The following RNF111 variants were observed in gnomAD, a reference collection of about 807,000 sequenced individuals.
RNF111 encodes ring finger protein 111.
In RNF111, 17 loss-of-function variants were observed where a neutral mutation model predicts 95.1. The observed-to-expected ratio is 0.18, with a 90% CI of 0.12 to 0.27. The LOEUF (loss-of-function observed/expected upper bound fraction) is 0.27, where lower values mean the gene tolerates loss of function less well. Ranked by LOEUF, RNF111 falls within the 10% of genes least tolerant of loss-of-function variation. The pLI, the probability that RNF111 is intolerant of heterozygous loss-of-function variation, is 1.00. For missense variants in RNF111, 1,189 were observed against 1,210.4 expected (o/e 0.98, Z 0.26); for synonymous variants, 440 against 414.8 (o/e 1.06, Z -0.74).
intron 2 of RNF111, among the ~76,000 whole-genome samples, chr15:59,043,572 G>A (rs576164535): frequency 1.2e-4 from 18 of 152,326 alleles, no homozygotes; most frequent in African/African-American, 4.1e-4. Context: ...GCAGGCTCCT[G>A]TAGGTAGGTA....
chr15:59,026,928 C>T (rs2040641613), intron 1 of RNF111, among the ~76,000 whole-genome samples: 1 of 152,172 alleles, frequency 6.6e-6, no homozygotes, highest in Non-Finnish European at 1.5e-5. Flanking sequence ...CCTTGCTCTC[C>T]TCTACCCTTG....
At chr15:59,001,253 G>A (rs1882437205) in intron 1 of RNF111, among the ~76,000 whole-genome samples, 1 of 152,120 alleles carries the variant, frequency 6.6e-6, no homozygotes, top group African/African-American at 2.4e-5. Context: ...TGGTCTCTGA[G>A]AACAGAGGTA....
chr15:59,013,716 G>T lies in RNF111; in HGVS notation c.-19-17088G>T, dbSNP rs373265980. Reference sequence around the variant, plus strand: ...AGTTTCAACTCCTGAACGAGGGAGTGTCCACATAAATGTTTGGAATTCTTC... The same window carrying T: ...AGTTTCAACTCCTGAACGAGGGAGTTTCCACATAAATGTTTGGAATTCTTC... On this transcript the variant is annotated intron_variant, in intron 1 of 13. Transcript: ENST00000348370. Among the ~76,000 whole-genome samples the T allele has an allele frequency of 3.3e-5, 5 of 152,282 alleles. No homozygotes were observed. In the East Asian group the frequency reaches 9.6e-4, roughly 29 times the overall value.
At chr15:59,086,052 G>GTA (rs139770103) in intron 10 of RNF111, among the ~76,000 whole-genome samples, 5,057 of 152,180 alleles carry the variant, frequency 0.033, 277 homozygotes, top group African/African-American at 0.11. Flanking sequence ...ACTGTCAGGA[G>GTA]TATACTGTGC....
chr15:59,065,801 A>C (rs1399028043), intron 5 of RNF111, among the ~76,000 whole-genome samples: 1 of 152,006 alleles, frequency 6.6e-6, no homozygotes, highest in Non-Finnish European at 1.5e-5. Flanking sequence ...GAGCTCTGGA[A>C]GGAGCTTAAG....
chr15:59,012,540 C>A (rs138399319), intron 1 of RNF111, among the ~76,000 whole-genome samples: 152 of 152,252 alleles, frequency 1.0e-3, no homozygotes, highest in African/African-American at 3.3e-3. Flanking sequence ...CATTTTAACA[C>A]AAGAAATGTG....
At chr15:59,003,384 T>C (rs2955703) in intron 1 of RNF111, among the ~76,000 whole-genome samples, 150,705 of 152,180 alleles carry the variant, frequency 0.99, 74,639 homozygotes, top group Middle Eastern at 1. Flanking sequence ...GGATTACAGG[T>C]GTGAGCCGCC....
chr15:58,987,906 G>C lies in RNF111; in HGVS notation c.-182G>C, dbSNP rs887276683. The C allele has an allele frequency of 6.5e-6, 1 of 153,294 alleles. No individual in the cohort carries two copies. The highest frequency in any genetic ancestry group is 2.4e-5 in the African/African-American group (1 of 41,460). 9.5% of individuals were successfully genotyped at this position (153,294 alleles called of 1,614,324 possible). A position where few individuals can be genotyped will look rare whatever the true frequency, so the allele number is the denominator to read the frequency against. ...CTGCCGCACGTACAGTTTTGGTGGC[G>C]GTGACAGACACTGTTCTTGACTCTA... On this transcript the variant is annotated 5_prime_UTR_variant, in exon 1 of 14. Transcript: ENST00000348370.
intron 1 of RNF111, among the ~76,000 whole-genome samples, chr15:59,001,347 T>C (rs909626887): frequency 6.6e-6 from 1 of 152,306 alleles, no homozygotes; most frequent in Non-Finnish European, 1.5e-5. Context: ...CTCTTCTCTT[T>C]TCTGGATTTC....
intron 6 of RNF111, among the ~76,000 whole-genome samples, 153 bp downstream of exon 6, chr15:59,067,236 G>A (rs1361117878): frequency 5.5e-5 from 7 of 126,374 alleles, no homozygotes; most frequent in Non-Finnish European, 6.5e-5. Flanking sequence ...GCCTCCCTCC[G>A]TTTCCTTTTT....
rs2078740154 is a variant in RNF111 at position 59,081,404 on chromosome 15, G to T, written c.2297+120G>T. The T allele has an allele frequency of 4.9e-6, 4 of 815,742 alleles. No homozygotes were observed. The East Asian group carries it at 1.1e-4, about 22-fold the overall frequency. The allele number at this position is 815,742 out of a possible 1,614,324, so 50.5% of individuals were successfully genotyped here. A position where few individuals can be genotyped will look rare whatever the true frequency, so the allele number is the denominator to read the frequency against. ...ATGCACTTGTAGTCACAGCTCCTTG[G>T]GAGGCTGAGACAGGAGGATTGCTTG... On this transcript the variant is annotated intron_variant, in intron 8 of 13. Transcript: ENST00000348370.
At position 59,081,114 on chromosome 15, in the gene RNF111, A is replaced by G; in HGVS notation, c.2127A>G (p.Pro709=). The change falls in exon 8 of 14, where the codon CCA becomes CCG. Residue 709 remains proline (P), a synonymous_variant. Transcript: ENST00000348370. Reference sequence around the variant, plus strand: ...CATCTCATCCTGTGGCACCCCCACCACCAACTCACTTAGCCAGTACAGCTG... The same window carrying G: ...CATCTCATCCTGTGGCACCCCCACCGCCAACTCACTTAGCCAGTACAGCTG... ...HATSHPVAPP[P]PTHLASTAAP... 6.2e-7 allele frequency: 1 copy of G among 1,614,088 alleles called. No homozygotes were observed.
intron 2 of RNF111, among the ~76,000 whole-genome samples, chr15:59,051,803 A>AAATAAATAAATG (rs2041998662): frequency 2.0e-5 from 3 of 149,216 alleles, no homozygotes; most frequent in African/African-American, 7.6e-5. Flanking sequence ...ATAAATAAAT[A>AAATAAATAAATG]AATGAATAAA....
chr15:59,016,669 G>A (rs2040082378), intron 1 of RNF111, among the ~76,000 whole-genome samples: 1 of 152,134 alleles, frequency 6.6e-6, no homozygotes, highest in Non-Finnish European at 1.5e-5. Context: ...TGTGCTCACT[G>A]CTTCAGTGAC....
At chr15:59,026,264 C>G (rs1774553704) in intron 1 of RNF111, among the ~76,000 whole-genome samples, 1 of 152,060 alleles carries the variant, frequency 6.6e-6, no homozygotes, top group Admixed American at 6.5e-5. Flanking sequence ...TACTAAATCC[C>G]AACCCTAATT....
At chr15:59,077,293 T>A (rs1452043800) in intron 7 of RNF111, among the ~76,000 whole-genome samples, 1 of 152,228 alleles carries the variant, frequency 6.6e-6, no homozygotes, top group South Asian at 2.1e-4. Context: ...AAGCAGTTTA[T>A]GAGTAAGTTC....
At chr15:58,988,338 C>T (rs1272181518) in intron 1 of RNF111, 1 of 152,324 alleles carries the variant, frequency 6.6e-6, no homozygotes, top group Admixed American at 6.5e-5. Flanking sequence ...TCCGACTCTC[C>T]CTAGAGTCTC....
chr15:59,045,350 C>T (rs1467021526), intron 2 of RNF111, among the ~76,000 whole-genome samples: 1 of 152,078 alleles, frequency 6.6e-6, no homozygotes, highest in East Asian at 1.9e-4. Context: ...GCCACCACAC[C>T]TGGCTACTTT....
chr15:59,023,173 G>A (rs1206018899), intron 1 of RNF111, among the ~76,000 whole-genome samples: 5 of 152,122 alleles, frequency 3.3e-5, no homozygotes, highest in Non-Finnish European at 7.4e-5. Flanking sequence ...GGTTGAATCC[G>A]GGAGGCGTAG....
Sources: allele counts gnomAD v4.1 joint callset (sites outside exome capture counted in the v4.1 genomes callset), GRCh38; gene constraint gnomAD v4.1.1; transcripts MANE v1.5; gene names NCBI Gene and HGNC (gene_info 2026-07-23, HGNC 2026-07-21).